CEACAM6: variants seen among roughly 807,000 people sequenced by gnomAD.
The protein encoded by CEACAM6 is cell adhesion molecule CEACAM6.
In CEACAM6, 21 loss-of-function variants were observed where a neutral mutation model predicts 32.4. The ratio of observed to expected loss-of-function variants is 0.65; its 90% CI spans 0.46 to 0.93. The LOEUF (loss-of-function observed/expected upper bound fraction) is 0.93. Ranked by LOEUF, CEACAM6 falls within the 40% of genes least tolerant of loss-of-function variation. CEACAM6 has a pLI of 0.00. For missense variants in CEACAM6, 406 were observed against 432.2 expected (o/e 0.94, Z 0.54); for synonymous variants, 184 against 174.4 (o/e 1.06, Z -0.43).
chr19:41,760,400 C>T (rs1335983296), intron 2 of CEACAM6, among the ~76,000 whole-genome samples: 3 of 152,222 alleles, frequency 2.0e-5, no homozygotes, highest in African/African-American at 7.2e-5. Flanking sequence ...GCATTTCATG[C>T]TCCCCCTTTC....
At chr19:41,769,712 C>CA (rs1172594150) in intron 5 of CEACAM6, among the ~76,000 whole-genome samples, 1 of 131,072 alleles carries the variant, frequency 7.6e-6, no homozygotes, top group Non-Finnish European at 1.7e-5. Context: ...GTTATTTGCA[C>CA]AAAAAATATA....
rs1555821118 is a variant in CEACAM6 at position 41,756,717 on chromosome 19, A to G, written c.182A>G (p.Asn61Ser). 2 of 1,614,102 alleles carry G rather than the reference A, an allele frequency of 1.2e-6. No homozygotes were observed. Among genetic ancestry groups the G allele is most frequent in the Non-Finnish European group, 1.7e-6 (2 of 1,180,004 alleles). The change falls in exon 2 of 6, where the codon AAT becomes AGT. Residue 61 changes from asparagine to serine, a missense_variant. Transcript: ENST00000199764. ...VLLLAHNLPQ[N>S]RIGYSWYKGE... ...CTACTCGCCCACAACCTGCCCCAGAATCGTATTGGTTACAGCTGGTACAAA... is the reference window on the plus strand; with the variant it reads ...CTACTCGCCCACAACCTGCCCCAGAGTCGTATTGGTTACAGCTGGTACAAA...
chr19:41,768,972 A>G (rs1432185454), intron 5 of CEACAM6, among the ~76,000 whole-genome samples: 1 of 151,686 alleles, frequency 6.6e-6, no homozygotes, highest in Non-Finnish European at 1.5e-5. Context: ...TTTGAGATGG[A>G]GTTTCACTAG....
chr19:41,760,486 C>A (rs1011362162), intron 2 of CEACAM6, among the ~76,000 whole-genome samples: 2 of 152,302 alleles, frequency 1.3e-5, no homozygotes, highest in Non-Finnish European at 1.5e-5. Context: ...CTGCCCTCCG[C>A]AGAGGGAGAA....
chr19:41,762,897 A>G (rs572931869), intron 4 of CEACAM6, among the ~76,000 whole-genome samples: 3 of 152,282 alleles, frequency 2.0e-5, no homozygotes, highest in East Asian at 1.9e-4. Flanking sequence ...ATGGAGCCTC[A>G]TGACAGACTG....
Position 41,757,338 on chromosome 19 carries a change from T to A in CEACAM6, c.424+379T>A, listed in dbSNP as rs112205282. ...CTCAGAGAGAAGCTCAACTCTTCCC[T>A]GAACTGAGCCCCTGTACAAAGCCCT... On this transcript the variant is annotated intron_variant, in intron 2 of 5. Transcript: ENST00000199764. 2.6e-4 allele frequency among the ~76,000 whole-genome samples: 40 copies of A among 152,174 alleles called. 1 individual carries two copies. The highest frequency in any genetic ancestry group is 9.2e-4 in the African/African-American group (38 of 41,530).
At chr19:41,757,346 G>C (rs997241702) in intron 2 of CEACAM6, among the ~76,000 whole-genome samples, 3 of 152,006 alleles carry the variant, frequency 2.0e-5, no homozygotes, top group African/African-American at 7.2e-5. Flanking sequence ...CCTGAACTGA[G>C]CCCCTGTACA....
Position 41,771,846 on chromosome 19 carries a change from G to A in CEACAM6, c.*1085G>A, listed in dbSNP as rs2072996281. ...TAAGATTTGGTCACACTCTCACCTA[G>A]GTGAGCGCATTGAGCCAGTGGTGCT... On this transcript the variant is annotated 3_prime_UTR_variant, in exon 6 of 6. Coordinates refer to ENST00000199764, the MANE Select transcript of CEACAM6 (RefSeq NM_002483.7). The A allele has an allele frequency of 6.6e-6, 1 of 152,096 alleles. No homozygotes were observed. The highest frequency in any genetic ancestry group is 1.5e-5 in the Non-Finnish European group (1 of 68,024). 9.4% of individuals were successfully genotyped at this position (152,096 alleles called of 1,614,324 possible). A position where few individuals can be genotyped will look rare whatever the true frequency, so the allele number is the denominator to read the frequency against.
intron 4 of CEACAM6, among the ~76,000 whole-genome samples, chr19:41,764,404 A>G (rs1285267709): frequency 1.3e-5 from 2 of 152,030 alleles, no homozygotes; most frequent in Non-Finnish European, 2.9e-5. Flanking sequence ...CTCCTACCTC[A>G]GCCTCCTGAG....
intron 4 of CEACAM6, 87 bp downstream of exon 4, chr19:41,762,310 A>G (rs782004143): frequency 6.6e-7 from 1 of 1,513,300 alleles, no homozygotes; most frequent in Non-Finnish European, 9.0e-7. Flanking sequence ...TTCTTTCCCA[A>G]CCTGTGTCCA....
intron 5 of CEACAM6, among the ~76,000 whole-genome samples, chr19:41,768,039 C>T (rs2072966409): frequency 6.6e-6 from 1 of 152,050 alleles, no homozygotes; most frequent in Non-Finnish European, 1.5e-5. Flanking sequence ...ACAGAAGTAA[C>T]TAAATGTCTA....
chr19:41,769,094 C>G (rs373307743), intron 5 of CEACAM6, among the ~76,000 whole-genome samples: 1 of 152,080 alleles, frequency 6.6e-6, no homozygotes, highest in South Asian at 2.1e-4. Context: ...TACAGGCATG[C>G]GTCACCATGC....
At chr19:41,764,742 A>C (rs1339218345) in intron 4 of CEACAM6, among the ~76,000 whole-genome samples, 2 of 151,984 alleles carry the variant, frequency 1.3e-5, no homozygotes, top group African/African-American at 4.8e-5. Flanking sequence ...TATTTATTTC[A>C]GTTATAATTC....
At position 41,762,223 on chromosome 19, in the gene CEACAM6, G is replaced by A. The variant is rs1555822004; in HGVS notation, c.958G>A (p.Gly320Arg). 6.2e-7 allele frequency: 1 copy of A among 1,612,406 alleles called. No individual in the cohort carries two copies. Among genetic ancestry groups the A allele is most frequent in the Admixed American group, 1.7e-5 (1 of 59,970 alleles). ...CACAGTCACGATGATCACAGTCTCT[G>A]GTAAGTGGATCCATGAAGCACTAGC... ...RTTVTMITVS[G>R]SAPVLSAVAT... The change falls in exon 4 of 6, where the codon GGA becomes AGA. Residue 320 changes from glycine to arginine, a missense_variant and splice_region_variant. Coordinates refer to ENST00000199764, the MANE Select transcript of CEACAM6 (RefSeq NM_002483.7).
intron 4 of CEACAM6, 141 bp downstream of exon 4, chr19:41,762,364 T>A (rs1290202268): frequency 1.1e-6 from 1 of 931,154 alleles, no homozygotes; most frequent in East Asian, 2.5e-5. Flanking sequence ...ACCCTCCCAA[T>A]TCACCTCTGC....
chr19:41,766,482 T>A (rs1362751097), intron 5 of CEACAM6, among the ~76,000 whole-genome samples, 183 bp downstream of exon 5: 1 of 152,216 alleles, frequency 6.6e-6, no homozygotes, highest in African/African-American at 2.4e-5. Flanking sequence ...TACCCCACTG[T>A]CTCCTAGATA....
chr19:41,768,272 G>A (rs1212669495), intron 5 of CEACAM6, among the ~76,000 whole-genome samples: 77 of 146,974 alleles, frequency 5.2e-4, no homozygotes, highest in African/African-American at 7.3e-4. Context: ...GTGTCCCTGG[G>A]TACTTGAGAT....
At chr19:41,769,882 T>C (rs1315010545) in intron 5 of CEACAM6, among the ~76,000 whole-genome samples, 1 of 148,966 alleles carries the variant, frequency 6.7e-6, no homozygotes, top group Non-Finnish European at 1.5e-5. Flanking sequence ...ATAAATATAA[T>C]AGTATAGTTA....
intron 2 of CEACAM6, among the ~76,000 whole-genome samples, chr19:41,759,062 C>T (rs1413318396): frequency 1.3e-5 from 2 of 152,222 alleles, no homozygotes; most frequent in African/African-American, 4.8e-5. Context: ...GTCTGCTTTC[C>T]CCAAGGCCCA....
Sources: gnomAD v4.1 joint callset for allele counts (sites outside exome capture counted in the v4.1 genomes callset) on GRCh38, gnomAD v4.1.1 for gene constraint, MANE v1.5 for transcripts, NCBI Gene and HGNC (gene_info 2026-07-23, HGNC 2026-07-21) for gene names.